The following GARRE1 variants were observed in gnomAD, a reference collection of about 807,000 sequenced individuals.
The protein encoded by GARRE1 is granule associated Rac and RHOG effector protein 1.
A neutral mutation model predicts 103.2 loss-of-function variants in GARRE1; 49 were observed. The ratio of observed to expected loss-of-function variants is 0.47; its 90% CI spans 0.38 to 0.60. GARRE1 has a LOEUF of 0.60. Ranked by LOEUF, GARRE1 falls within the 20% of genes least tolerant of loss-of-function variation. The probability of loss-of-function intolerance (pLI) is 0.00; values close to 1 mark genes in which losing one functional copy is unlikely to be tolerated. For synonymous variants in GARRE1, 505 were observed against 532.8 expected (o/e 0.95, Z 0.72); for missense variants, 1,199 against 1,370.5 (o/e 0.87, Z 1.98).
chr19:34,264,901 C>G (rs1292484664), intron 1 of GARRE1, among the ~76,000 whole-genome samples: 1 of 152,140 alleles, frequency 6.6e-6, no homozygotes, highest in Admixed American at 6.6e-5. Flanking sequence ...AGTGAGTGTT[C>G]TTGACGCAGG....
intron 3 of GARRE1, among the ~76,000 whole-genome samples, chr19:34,322,372 A>G (rs58574950): frequency 0.019 from 2,914 of 151,966 alleles, 102 homozygotes; most frequent in African/African-American, 0.066. Context: ...AGGTTTCACC[A>G]TGTTGGCCTG....
chr19:34,344,590 CAAAA>C (rs556583085), intron 10 of GARRE1, among the ~76,000 whole-genome samples: 1 of 75,226 alleles, frequency 1.3e-5, no homozygotes, highest in Non-Finnish European at 2.8e-5. Flanking sequence ...GACTCCGTCT[CAAAA>C]AAAAAAAAAA....
At chr19:34,329,419 G>A (rs774955691) in intron 6 of GARRE1, among the ~76,000 whole-genome samples, 9 of 152,204 alleles carry the variant, frequency 5.9e-5, no homozygotes, top group Non-Finnish European at 4.4e-5. Flanking sequence ...AGAAATACCT[G>A]TGTATATTAT....
intron 7 of GARRE1, among the ~76,000 whole-genome samples, chr19:34,331,931 C>A (rs1407037368): frequency 6.6e-6 from 1 of 150,590 alleles, no homozygotes; most frequent in African/African-American, 2.5e-5. Flanking sequence ...TCAGAGGTTG[C>A]AGTGAGCCGA....
At position 34,327,511 on chromosome 19, in the gene GARRE1, C is replaced by G. The variant is rs979489908; in HGVS notation, c.796C>G (p.Pro266Ala). The G allele has an allele frequency of 6.2e-7, 1 of 1,613,946 alleles. No homozygotes were observed. Among genetic ancestry groups the G allele is most frequent in the African/African-American group, 1.3e-5 (1 of 74,908 alleles). ...QLFCSQSAAI[P>A]EHQLKELNIK... ...CTTTTGTTCTCAAAGTGCAGCAATT[C>G]CTGAGCACCAGCTAAAAGAACTGAA... is the stretch of plus-strand genomic sequence containing the variant. The change falls in exon 4 of 14, where the codon CCT becomes GCT. Residue 266 changes from proline to alanine, a missense_variant. Coordinates refer to ENST00000299505, the MANE Select transcript of GARRE1 (RefSeq NM_014686.5).
intron 1 of GARRE1, among the ~76,000 whole-genome samples, chr19:34,280,231 ACCT>A (rs902066171): frequency 6.6e-6 from 1 of 151,918 alleles, no homozygotes; most frequent in Non-Finnish European, 1.5e-5. Flanking sequence ...TGATCCAGTC[ACCT>A]CCTCCCAGGC....
At chr19:34,298,499 G>A (rs577587517) in intron 1 of GARRE1, among the ~76,000 whole-genome samples, 1 of 151,752 alleles carries the variant, frequency 6.6e-6, no homozygotes, top group East Asian at 1.9e-4. Flanking sequence ...GATCACCTGA[G>A]GTCAGGAGTT....
chr19:34,268,241 A>G (rs2073764647), intron 1 of GARRE1, among the ~76,000 whole-genome samples: 2 of 152,224 alleles, frequency 1.3e-5, no homozygotes, highest in African/African-American at 2.4e-5. Flanking sequence ...TAGTTGATAG[A>G]TGAAACCTTC....
At chr19:34,306,053 T>C (rs571796463) in intron 2 of GARRE1, among the ~76,000 whole-genome samples, 2 of 152,228 alleles carry the variant, frequency 1.3e-5, no homozygotes, top group Non-Finnish European at 2.9e-5. Context: ...CTGGAATTTA[T>C]GTACTGCCAG....
rs761745301 is a variant in GARRE1, at chr19:34,333,710, G to A, written c.1270G>A (p.Val424Ile). ...TTTTTTTTTTCGATCTTAGGTGGTG[G>A]TTGACACAGCACAGATTGAGAATAA... ...LLFGQAGLVV[V>I]DTAQIENKEA... is the part of the protein sequence containing the mutation. The change falls in exon 8 of 14, where the codon GTT (valine) becomes ATT (isoleucine). Residue 424 changes from valine to isoleucine, a missense_variant. Physicochemically the swap from Val to Ile is conservative, Grantham distance 29 (BLOSUM62 3). Coordinates refer to ENST00000299505, the MANE Select transcript of GARRE1 (RefSeq NM_014686.5). 4.5e-5 allele frequency: 65 copies of A among 1,431,556 alleles called. No individual in the cohort carries two copies. Among genetic ancestry groups the A allele is most frequent in the Non-Finnish European group, 5.0e-5 (51 of 1,022,158 alleles). The allele number at this position is 1,431,556 out of a possible 1,614,324, so 88.7% of individuals were successfully genotyped here. A position where few individuals can be genotyped will look rare whatever the true frequency, so the allele number is the denominator to read the frequency against.
intron 1 of GARRE1, among the ~76,000 whole-genome samples, chr19:34,254,871 T>C (rs1008846697): frequency 1.3e-5 from 2 of 149,036 alleles, no homozygotes; most frequent in Non-Finnish European, 3.0e-5. Context: ...ACCCGGGACC[T>C]GGGGGCGCGT....
rs747572628 is a variant in GARRE1 at position 34,333,686 on chromosome 19, T to G, written c.1264-18T>G. ...AAGCTGGTTGTTATTTGTTTTTTTT[T>G]TTTTTTTTCGATCTTAGGTGGTGGT... On this transcript the variant is annotated intron_variant, in intron 7 of 13. Coordinates refer to ENST00000299505, the MANE Select transcript of GARRE1 (RefSeq NM_014686.5). The G allele has an allele frequency of 3.1e-6, 4 of 1,271,996 alleles. No homozygotes were observed. The Admixed American group carries it at 6.4e-5, about 20-fold the overall frequency. The allele number at this position is 1,271,996 out of a possible 1,614,324, so 78.8% of individuals were successfully genotyped here. A position where few individuals can be genotyped will look rare whatever the true frequency, so the allele number is the denominator to read the frequency against.
intron 3 of GARRE1, among the ~76,000 whole-genome samples, chr19:34,321,614 C>T (rs187584944): frequency 4.7e-4 from 71 of 152,044 alleles, no homozygotes; most frequent in African/African-American, 1.3e-3. Flanking sequence ...CCACCATGCC[C>T]GGCTAATTTT....
chr19:34,350,001 G>A (rs1260829523), intron 12 of GARRE1, among the ~76,000 whole-genome samples: 1 of 152,244 alleles, frequency 6.6e-6, no homozygotes, highest in Non-Finnish European at 1.5e-5. Flanking sequence ...TGAGGCTACA[G>A]TGAGCTGTGT....
At chr19:34,302,517 C>T (rs1471554095) in intron 2 of GARRE1, among the ~76,000 whole-genome samples, 1 of 151,786 alleles carries the variant, frequency 6.6e-6, no homozygotes, top group Non-Finnish European at 1.5e-5. Context: ...CGGTCTCGAA[C>T]TCCTAACCTC....
rs1420512805 is a variant in GARRE1, at chr19:34,327,453, T to C, written c.738T>C (p.Asp246=). 4.3e-6 allele frequency: 7 copies of C among 1,614,030 alleles called. No homozygotes were observed. Among genetic ancestry groups the C allele is most frequent in the Non-Finnish European group, 5.9e-6 (7 of 1,180,016 alleles). The stretch of plus-strand genomic sequence containing the variant: ...CTAGACTAAGAGAAAGAGGCTGTGA[T>C]GGTTGCCTGGCAGGAATTGAAGTTC... ...ATSRLRERGC[D]GCLAGIEVQQ... The change falls in exon 4 of 14, where the codon GAT becomes GAC. Residue 246 remains aspartate (D), a synonymous_variant. Transcript: ENST00000299505.
intron 4 of GARRE1, 98 bp downstream of exon 4, chr19:34,327,659 TA>T: frequency 1.4e-6 from 2 of 1,474,182 alleles, no homozygotes; most frequent in Non-Finnish European, 1.9e-6. Flanking sequence ...GGTTATAGAG[TA>T]GTAATTGACC....
At chr19:34,274,550 G>A (rs929670579) in intron 1 of GARRE1, among the ~76,000 whole-genome samples, 2 of 152,210 alleles carry the variant, frequency 1.3e-5, no homozygotes, top group Non-Finnish European at 2.9e-5. Context: ...GAAAGACTTG[G>A]AAGATTTGGT....
At chr19:34,305,704 A>G (rs563969735) in intron 2 of GARRE1, among the ~76,000 whole-genome samples, 13 of 152,228 alleles carry the variant, frequency 8.5e-5, no homozygotes, top group African/African-American at 3.1e-4. Flanking sequence ...GGGGCACAGC[A>G]GTACCTGCTT....
Sources: gnomAD v4.1 joint callset for allele counts (sites outside exome capture counted in the v4.1 genomes callset) on GRCh38, gnomAD v4.1.1 for gene constraint, MANE v1.5 for transcripts, NCBI Gene and HGNC (gene_info 2026-07-23, HGNC 2026-07-21) for gene names.